The following BMPR1B variants were observed in gnomAD, a reference collection of about 807,000 sequenced individuals.
BMPR1B encodes bone morphogenetic protein receptor type 1B, also known as bone morphogenetic protein receptor type-1B.
Under a neutral mutation model 59.1 loss-of-function variants are expected in BMPR1B, and 12 were observed. The observed-to-expected ratio is 0.20, with a 90% CI of 0.13 to 0.33. The LOEUF (loss-of-function observed/expected upper bound fraction) is 0.33, where lower values mean the gene tolerates loss of function less well. Among genes scored for constraint, BMPR1B ranks in the 10% least tolerant of loss-of-function variants. The probability of loss-of-function intolerance (pLI) is 1.00; values close to 1 mark genes in which losing one functional copy is unlikely to be tolerated. For missense variants in BMPR1B, 550 were observed against 610.9 expected (o/e 0.90, Z 1.05); for synonymous variants, 237 against 207.3 (o/e 1.14, Z -1.23).
At chr4:94,896,363 T>G (rs551247850) in intron 2 of BMPR1B, among the ~76,000 whole-genome samples, 57 of 152,144 alleles carry the variant, frequency 3.7e-4, no homozygotes, top group African/African-American at 1.2e-3. Flanking sequence ...ATGAAGATTT[T>G]TATTAACATT....
intron 2 of BMPR1B, among the ~76,000 whole-genome samples, chr4:94,910,369 C>T (rs1578792193): frequency 6.6e-6 from 1 of 152,164 alleles, no homozygotes; most frequent in Non-Finnish European, 1.5e-5. Flanking sequence ...TACACCATGT[C>T]TCAGGTGATA....
chr4:94,817,060 A>G (rs1431704265), intron 1 of BMPR1B, among the ~76,000 whole-genome samples: 2 of 152,162 alleles, frequency 1.3e-5, no homozygotes, highest in Non-Finnish European at 1.5e-5. Context: ...ATATTCTGCC[A>G]CGTGCGGGAC....
intron 2 of BMPR1B, among the ~76,000 whole-genome samples, chr4:94,947,195 A>G (rs2149049981): frequency 6.6e-6 from 1 of 152,370 alleles, no homozygotes; most frequent in Admixed American, 6.5e-5. Flanking sequence ...TTGCCACTCA[A>G]AAATGAGAGA....
At chr4:95,073,819 T>C (rs1448335437) in intron 3 of BMPR1B, among the ~76,000 whole-genome samples, 1 of 152,212 alleles carries the variant, frequency 6.6e-6, no homozygotes, top group East Asian at 1.9e-4. Flanking sequence ...ACAGGACTTC[T>C]GTTAATGTCT....
intron 5 of BMPR1B, among the ~76,000 whole-genome samples, 187 bp from the exon 6 acceptor site, chr4:95,115,498 G>T (rs1323907633): frequency 6.6e-6 from 1 of 152,148 alleles, no homozygotes; most frequent in South Asian, 2.1e-4. Flanking sequence ...TGCAAAAGTT[G>T]CAATAAGATA....
At chr4:94,833,186 C>G (rs1724668352) in intron 1 of BMPR1B, among the ~76,000 whole-genome samples, 1 of 96,148 alleles carries the variant, frequency 1.0e-5, no homozygotes, top group East Asian at 2.8e-4. Context: ...GGCAGAGACT[C>G]TTTCTCAAAA....
At chr4:94,907,261 C>T (rs529940212) in intron 2 of BMPR1B, among the ~76,000 whole-genome samples, 56 of 152,130 alleles carry the variant, frequency 3.7e-4, no homozygotes, top group African/African-American at 5.1e-4. Flanking sequence ...CCTAGAAATA[C>T]GTCATTGGCA....
chr4:95,141,821 A>G (rs967877911), intron 10 of BMPR1B, among the ~76,000 whole-genome samples: 10 of 152,208 alleles, frequency 6.6e-5, no homozygotes, highest in Admixed American at 3.9e-4. Context: ...AAAACCTGCA[A>G]TAAAGACTAG....
chr4:94,776,820 G>A (rs1722387936), intron 1 of BMPR1B, among the ~76,000 whole-genome samples: 3 of 152,052 alleles, frequency 2.0e-5, no homozygotes. Context: ...ACAGGAAAAG[G>A]CCAGAAAGGA....
intron 2 of BMPR1B, among the ~76,000 whole-genome samples, chr4:94,958,730 G>A (rs1730248578): frequency 6.6e-6 from 1 of 152,112 alleles, no homozygotes; most frequent in Non-Finnish European, 1.5e-5. Flanking sequence ...GTCGTTGTTT[G>A]GAAATGTGTA....
chr4:94,890,326 C>G (rs780155416), intron 2 of BMPR1B, among the ~76,000 whole-genome samples: 6 of 152,026 alleles, frequency 3.9e-5, no homozygotes, highest in Non-Finnish European at 8.8e-5. Context: ...TCCCCCAAAG[C>G]TTATTTCTGA....
chr4:95,150,241 A>T (rs1734941854), intron 11 of BMPR1B, among the ~76,000 whole-genome samples: 1 of 152,226 alleles, frequency 6.6e-6, no homozygotes, highest in African/African-American at 2.4e-5. Context: ...CTCTAACCAG[A>T]TATTGAATAA....
intron 2 of BMPR1B, among the ~76,000 whole-genome samples, chr4:94,992,339 C>G (rs185563453): frequency 6.6e-6 from 1 of 152,214 alleles, no homozygotes; most frequent in Non-Finnish European, 1.5e-5. Flanking sequence ...TGTGAGTGCA[C>G]TGTTTAATCC....
intron 4 of BMPR1B, among the ~76,000 whole-genome samples, chr4:95,109,292 G>T (rs1731437540): frequency 6.6e-6 from 1 of 152,118 alleles, no homozygotes; most frequent in South Asian, 2.1e-4. Context: ...TTGCACAAAG[G>T]ATGTGCAAAT....
chr4:94,810,373 A>G (rs1278003670), intron 1 of BMPR1B, among the ~76,000 whole-genome samples: 1 of 152,220 alleles, frequency 6.6e-6, no homozygotes. Flanking sequence ...GTAACCACAT[A>G]TTACCAATGG....
intron 3 of BMPR1B, among the ~76,000 whole-genome samples, chr4:95,048,608 G>A (rs1434545): frequency 0.29 from 43,609 of 151,962 alleles, 6,790 homozygotes; most frequent in South Asian, 0.4. Context: ...CTTTTGAGAA[G>A]CGTCTGTTCC....
At chr4:95,104,136 G>A (rs1446713487) in intron 3 of BMPR1B, among the ~76,000 whole-genome samples, 1 of 151,800 alleles carries the variant, frequency 6.6e-6, no homozygotes, top group Non-Finnish European at 1.5e-5. Flanking sequence ...ATGTCTCATT[G>A]AGCTCCTTGC....
At chr4:94,867,910 G>A (rs1003053957) in intron 1 of BMPR1B, among the ~76,000 whole-genome samples, 2 of 151,998 alleles carry the variant, frequency 1.3e-5, no homozygotes, top group African/African-American at 4.8e-5. Context: ...GGAATGCAGT[G>A]GTGCAGTCAC....
chr4:95,098,438 A>T (rs1730583701), intron 3 of BMPR1B, among the ~76,000 whole-genome samples: 1 of 152,190 alleles, frequency 6.6e-6, no homozygotes, highest in African/African-American at 2.4e-5. Context: ...ATCCTTGTAT[A>T]AATACCTTTG....
Sources: gnomAD v4.1 joint callset for allele counts (sites outside exome capture counted in the v4.1 genomes callset) on GRCh38, gnomAD v4.1.1 for gene constraint, MANE v1.5 for transcripts, NCBI Gene and HGNC (gene_info 2026-07-23, HGNC 2026-07-21) for gene names.